EXD2: variants seen among roughly 807,000 people sequenced by gnomAD.
EXD2 encodes the protein exonuclease 3'-5' domain containing 2, also known as exonuclease 3'-5' domain-containing protein 2.
Under a neutral mutation model 62.5 loss-of-function variants are expected in EXD2, and 40 were observed. That is an observed-to-expected ratio of 0.64 (90% CI 0.50 to 0.83). The LOEUF is 0.83. EXD2 is among the 40% of genes least tolerant of loss of function. EXD2 has a pLI of 0.00. For missense variants in EXD2, 671 were observed against 761.8 expected (o/e 0.88, Z 1.40); for synonymous variants, 239 against 291.9 (o/e 0.82, Z 1.85).
intron 2 of EXD2, chr14:69,209,201 G>T: frequency 3.7e-6 from 1 of 272,286 alleles, no homozygotes; most frequent in Admixed American, 4.8e-5. Context: ...AACTGTCAGA[G>T]GGCAGGGAGA....
At chr14:69,224,623 A>G in intron 3 of EXD2, among the ~76,000 whole-genome samples, 1 of 151,998 alleles carries the variant, frequency 6.6e-6, no homozygotes, top group South Asian at 2.1e-4. Flanking sequence ...TCACCAAAAT[A>G]TTTTTTTTAA....
rs542857456 is a variant in EXD2, at chr14:69,238,843, C to G, written c.1649+912C>G. Among the ~76,000 whole-genome samples, 18 of 152,222 alleles carry G rather than the reference C, an allele frequency of 1.2e-4. No homozygotes were observed. In the South Asian group the frequency reaches 3.7e-3, roughly 32 times the overall value. Reference sequence around the variant, plus strand: ...AGAGATGGGGTTTCACCAGGCTGCCCAGGCTGGTCTCAGATTCCTGACCTC... The same window carrying G: ...AGAGATGGGGTTTCACCAGGCTGCCGAGGCTGGTCTCAGATTCCTGACCTC... On this transcript the variant is annotated intron_variant, in intron 9 of 9. Coordinates refer to ENST00000685843, the MANE Select transcript of EXD2 (RefSeq NM_001193360.2).
At chr14:69,226,059 T>C (rs568986519) in intron 3 of EXD2, among the ~76,000 whole-genome samples, 31 of 152,354 alleles carry the variant, frequency 2.0e-4, no homozygotes, top group African/African-American at 7.0e-4. Context: ...TGGTAGACAA[T>C]GAGACCTGAC....
Position 69,242,415 on chromosome 14 carries a change from G to C in EXD2, c.*1315G>C, listed in dbSNP as rs187438357. ...ACTTTATAAAACTGGCATTCCTAGG[G>C]GAGGGGCTATTTATCCTACAGGTCC... is the stretch of plus-strand genomic sequence containing the variant. On this transcript the variant is annotated 3_prime_UTR_variant, in exon 10 of 10. Coordinates refer to ENST00000685843, the MANE Select transcript of EXD2 (RefSeq NM_001193360.2). 6.1e-5 allele frequency: 10 copies of C among 165,002 alleles called. No homozygotes were observed. The Admixed American group carries it at 6.4e-4, about 11-fold the overall frequency. The allele number at this position is 165,002 out of a possible 1,614,324, so 10.2% of individuals were successfully genotyped here. A position where few individuals can be genotyped will look rare whatever the true frequency, so the allele number is the denominator to read the frequency against.
At chr14:69,228,284 C>T (rs868413646) in intron 3 of EXD2, among the ~76,000 whole-genome samples, 3 of 149,398 alleles carry the variant, frequency 2.0e-5, no homozygotes, top group African/African-American at 5.0e-5. Flanking sequence ...CTCTGCCTCC[C>T]GGGTTCAAGC....
At chr14:69,218,047 C>T (rs1226949898) in intron 3 of EXD2, among the ~76,000 whole-genome samples, 2 of 152,186 alleles carry the variant, frequency 1.3e-5, no homozygotes, top group Non-Finnish European at 2.9e-5. Flanking sequence ...TGGGTATATA[C>T]CCAGTAATGG....
At position 69,219,551 on chromosome 14, in the gene EXD2, T is replaced by C. The variant is rs115187740; in HGVS notation, c.334-9265T>C. 7.1e-3 allele frequency among the ~76,000 whole-genome samples: 1,088 copies of C among 152,340 alleles called. 14 individuals are homozygous for C. The highest frequency in any genetic ancestry group is 0.025 in the African/African-American group (1,038 of 41,584). ...GACCACAATATTGAGTTTTTGAATC[T>C]AAGTGTTTGTTTAGACCTTTAGTTT... On this transcript the variant is annotated intron_variant, in intron 3 of 9. Transcript: ENST00000685843.
chr14:69,196,492 T>C (rs886073796), intron 1 of EXD2, among the ~76,000 whole-genome samples: 2 of 152,248 alleles, frequency 1.3e-5, no homozygotes, highest in Non-Finnish European at 2.9e-5. Context: ...TTCATTTCCC[T>C]TGGGTATATA....
chr14:69,241,834 A>C lies in EXD2; in HGVS notation c.*734A>C. 1 of 399,048 alleles carries C rather than the reference A, an allele frequency of 2.5e-6. No individual in the cohort carries two copies. Among genetic ancestry groups the C allele is most frequent in the Non-Finnish European group, 4.4e-6 (1 of 226,070 alleles). The allele number at this position is 399,048 out of a possible 1,614,324, so 24.7% of individuals were successfully genotyped here. A position where few individuals can be genotyped will look rare whatever the true frequency, so the allele number is the denominator to read the frequency against. On this transcript the variant is annotated 3_prime_UTR_variant, in exon 10 of 10. Transcript: ENST00000685843. The stretch of plus-strand genomic sequence containing the variant: ...AACTCCATCTCCCAATAGAACTTTG[A>C]AATTCACTCAGCTTTTCCTTTCATG...
intron 2 of EXD2, among the ~76,000 whole-genome samples, chr14:69,206,069 C>T (rs934371067): frequency 8.6e-5 from 13 of 152,040 alleles, no homozygotes; most frequent in Non-Finnish European, 1.8e-4. Context: ...CAGGCATGCA[C>T]CACCACACCT....
At chr14:69,226,181 A>T (rs1019568149) in intron 3 of EXD2, among the ~76,000 whole-genome samples, 1 of 152,236 alleles carries the variant, frequency 6.6e-6, no homozygotes, top group Non-Finnish European at 1.5e-5. Context: ...GAGAAAGCTG[A>T]TATCACAGAG....
chr14:69,198,751 G>A (rs578002998), intron 1 of EXD2, among the ~76,000 whole-genome samples: 1 of 152,156 alleles, frequency 6.6e-6, no homozygotes. Flanking sequence ...TTGTGAACAC[G>A]ATAGAGCACA....
At chr14:69,214,876 T>A (rs2042937636) in intron 3 of EXD2, among the ~76,000 whole-genome samples, 1 of 152,188 alleles carries the variant, frequency 6.6e-6, no homozygotes, top group Non-Finnish European at 1.5e-5. Context: ...ATTGTGAGAT[T>A]TACCTGTGTT....
intron 1 of EXD2, among the ~76,000 whole-genome samples, chr14:69,201,672 G>GTTTTTTGTTTTTTTTTTTTTTT (rs2042402768): frequency 5.1e-5 from 3 of 59,022 alleles, no homozygotes; most frequent in African/African-American, 2.0e-4. Context: ...TGTTTTCTCT[G>GTTTTTTGTTTTTTTTTTTTTTT]TTTTTTTTTT....
At chr14:69,216,859 A>G (rs1176332715) in intron 3 of EXD2, among the ~76,000 whole-genome samples, 1 of 152,154 alleles carries the variant, frequency 6.6e-6, no homozygotes, top group Non-Finnish European at 1.5e-5. Context: ...CTTAACATAC[A>G]CTATCTTTGC....
In EXD2 at chr14:69,203,921, G is replaced by T. The variant is rs183817886; in HGVS notation, c.-127G>T. On this transcript the variant is annotated 5_prime_UTR_variant, in exon 2 of 10. The change creates a new upstream start codon in the 5' untranslated region. Coordinates refer to ENST00000685843, the MANE Select transcript of EXD2 (RefSeq NM_001193360.2). Reference sequence around the variant, plus strand: ...AATGGTATTCCTATTTCACAGATGAGGAGACTGTCCTTCCTGTTTCGCAGA... The same window carrying T: ...AATGGTATTCCTATTTCACAGATGATGAGACTGTCCTTCCTGTTTCGCAGA... 3.3e-5 allele frequency: 5 copies of T among 152,304 alleles called. No individual in the cohort carries two copies. Among genetic ancestry groups the T allele is most frequent in the African/African-American group, 1.2e-4 (5 of 41,562 alleles). The allele number at this position is 152,304 out of a possible 1,614,324, so 9.4% of individuals were successfully genotyped here. A position where few individuals can be genotyped will look rare whatever the true frequency, so the allele number is the denominator to read the frequency against.
Position 69,234,749 on chromosome 14 carries a change from A to T in EXD2, c.767A>T (p.His256Leu). 1 of 1,613,918 alleles carries T rather than the reference A, an allele frequency of 6.2e-7. No individual in the cohort carries two copies. The highest frequency in any genetic ancestry group is 8.5e-7 in the Non-Finnish European group (1 of 1,179,972). Reference protein sequence around the residue: ...DAQISVALFLHLLGYPFSRNS... With the variant: ...DAQISVALFLLLLGYPFSRNS... ...CAGATTTCAGTGGCTCTCTTTCTTC[A>T]TCTTCTTGGATACCCTTTCTCTAGG... is the stretch of plus-strand genomic sequence containing the variant. The change falls in exon 6 of 10, where the codon CAT becomes CTT. Residue 256 changes from histidine (H) to leucine (L), a missense_variant. Physicochemically the swap from His to Leu is moderately conservative, Grantham distance 99. Transcript: ENST00000685843.
intron 3 of EXD2, among the ~76,000 whole-genome samples, chr14:69,218,879 G>GT (rs2043073857): frequency 6.6e-6 from 1 of 152,030 alleles, no homozygotes; most frequent in Non-Finnish European, 1.5e-5. Context: ...CTCTGTTTTG[G>GT]TACCAGTACC....
chr14:69,202,663 T>A (rs2042449055), intron 1 of EXD2, among the ~76,000 whole-genome samples: 1 of 152,200 alleles, frequency 6.6e-6, no homozygotes, highest in Non-Finnish European at 1.5e-5. Flanking sequence ...TTACAAAACC[T>A]CTTCAAATAA....
Sources: gnomAD v4.1 joint callset for allele counts (sites outside exome capture counted in the v4.1 genomes callset) on GRCh38, gnomAD v4.1.1 for gene constraint, MANE v1.5 for transcripts, NCBI Gene and HGNC (gene_info 2026-07-23, HGNC 2026-07-21) for gene names.